Variants in SPATS2L observed in about 807,000 individuals in gnomAD.
SPATS2L encodes spermatogenesis associated serine rich 2 like.
Under a neutral mutation model 59.6 loss-of-function variants are expected in SPATS2L, and 30 were observed. That is an observed-to-expected ratio of 0.50 (90% CI 0.38 to 0.68). The LOEUF (loss-of-function observed/expected upper bound fraction) is 0.68, where lower values mean the gene tolerates loss of function less well. Among genes scored for constraint, SPATS2L ranks in the 30% least tolerant of loss-of-function variants. SPATS2L has a pLI of 0.00. For missense variants in SPATS2L, 615 were observed against 700.0 expected (o/e 0.88, Z 1.37); for synonymous variants, 252 against 263.5 (o/e 0.96, Z 0.42).
In SPATS2L at chr2:200,439,182, G is replaced by A. The variant is rs761792071; in HGVS notation, c.506G>A (p.Gly169Glu). 1.9e-6 allele frequency: 3 copies of A among 1,613,702 alleles called. No individual in the cohort carries two copies. The Admixed American group carries it at 5.0e-5, about 27-fold the overall frequency. ...GATGGGAACCCCAAACCTATACATG[G>A]AACAACAGAGAGGTCAGATGGCCTA... ...SLDGNPKPIH[G>E]TTERSDGLQW... Residue 169 changes from glycine (G) to glutamate (E), a missense_variant, in exon 7 of 13, where the codon GGA becomes GAA. Coordinates refer to ENST00000409140, the MANE Select transcript of SPATS2L (RefSeq NM_001100423.2).
chr2:200,335,534 T>G (rs575996843), intron 2 of SPATS2L, among the ~76,000 whole-genome samples: 25 of 152,348 alleles, frequency 1.6e-4, no homozygotes, highest in Middle Eastern at 3.4e-3. Flanking sequence ...TAAATTTACT[T>G]TCCTGTTAAT....
intron 8 of SPATS2L, among the ~76,000 whole-genome samples, chr2:200,448,957 A>G (rs903159390): frequency 5.3e-5 from 8 of 152,204 alleles, no homozygotes; most frequent in African/African-American, 1.2e-4. Flanking sequence ...CACCAGTCCA[A>G]TAAACCGAAA....
At chr2:200,316,312 G>T (rs1459923271) in intron 1 of SPATS2L, among the ~76,000 whole-genome samples, 1 of 152,168 alleles carries the variant, frequency 6.6e-6, no homozygotes, top group African/African-American at 2.4e-5. Context: ...TTTCAACCTG[G>T]GCGGCTGTTT....
At chr2:200,433,607 T>A (rs1180551079) in intron 6 of SPATS2L, among the ~76,000 whole-genome samples, 1 of 152,086 alleles carries the variant, frequency 6.6e-6, no homozygotes, top group Non-Finnish European at 1.5e-5. Context: ...TGAATCATAA[T>A]GAAAATATAA....
rs758964559 is a variant in SPATS2L, at chr2:200,439,134, T to G, written c.458T>G (p.Leu153Arg). The change falls in exon 7 of 13, where the codon CTA becomes CGA. Residue 153 changes from leucine to arginine, a missense_variant. Physicochemically the swap from Leu to Arg is moderately radical, Grantham distance 102. Transcript: ENST00000409140. Reference sequence around the variant, plus strand: ...TGTTTTCTTACAGAAGGCAACAGACTACTGCAACAGAAACTATCCTTAGAT... The same window carrying G: ...TGTTTTCTTACAGAAGGCAACAGACGACTGCAACAGAAACTATCCTTAGAT... ...ALRGVTEGNR[L>R]LQQKLSLDGN... 1.9e-6 allele frequency: 3 copies of G among 1,613,438 alleles called. No individual in the cohort carries two copies. The South Asian group carries it at 3.3e-5, about 18-fold the overall frequency.
At chr2:200,350,857 C>G (rs1007050685) in intron 2 of SPATS2L, among the ~76,000 whole-genome samples, 1 of 152,002 alleles carries the variant, frequency 6.6e-6, no homozygotes, top group Non-Finnish European at 1.5e-5. Context: ...TTAAGTAGAC[C>G]TAAAATCCTG....
chr2:200,442,466 G>A, intron 8 of SPATS2L, among the ~76,000 whole-genome samples: 1 of 152,136 alleles, frequency 6.6e-6, no homozygotes. Context: ...AAAAGGCTGT[G>A]GGCCAGATTT....
intron 6 of SPATS2L, among the ~76,000 whole-genome samples, chr2:200,436,268 A>G (rs568756279): frequency 1.3e-5 from 2 of 152,352 alleles, no homozygotes; most frequent in East Asian, 3.9e-4. Context: ...TTCATCTGCA[A>G]GAGTCCCAGA....
intron 6 of SPATS2L, among the ~76,000 whole-genome samples, chr2:200,429,940 C>A (rs915385178): frequency 2.6e-5 from 4 of 152,098 alleles, no homozygotes; most frequent in African/African-American, 9.7e-5. Context: ...CTAGTTATTT[C>A]ATGTGATTTC....
At chr2:200,410,347 G>A (rs542402223) in intron 3 of SPATS2L, among the ~76,000 whole-genome samples, 3 of 151,966 alleles carry the variant, frequency 2.0e-5, no homozygotes, top group African/African-American at 7.2e-5. Context: ...TGGATGGAGG[G>A]ATTTTTTTGT....
chr2:200,415,968 G>GTGAT (rs139198454), intron 4 of SPATS2L, among the ~76,000 whole-genome samples: 523 of 152,200 alleles, frequency 3.4e-3, no homozygotes, highest in African/African-American at 0.012. Context: ...ACAGAAAGCT[G>GTGAT]TGATTCACAT....
intron 2 of SPATS2L, among the ~76,000 whole-genome samples, chr2:200,346,081 T>A (rs2080502375): frequency 6.6e-6 from 1 of 152,252 alleles, no homozygotes; most frequent in Admixed American, 6.5e-5. Context: ...ATATTTTTCC[T>A]TGTTAATCAC....
chr2:200,348,785 G>A (rs2080608752), intron 2 of SPATS2L, among the ~76,000 whole-genome samples: 1 of 151,704 alleles, frequency 6.6e-6, no homozygotes, highest in Non-Finnish European at 1.5e-5. Flanking sequence ...CCTGTACTAA[G>A]TGTTAGGAAA....
intron 6 of SPATS2L, among the ~76,000 whole-genome samples, chr2:200,420,658 C>G (rs944437247): frequency 6.6e-6 from 1 of 152,192 alleles, no homozygotes; most frequent in Admixed American, 6.5e-5. Context: ...TTCTAAACAT[C>G]ATAAAGTACC....
intron 1 of SPATS2L, among the ~76,000 whole-genome samples, chr2:200,323,225 A>G (rs2079622890): frequency 6.6e-6 from 1 of 152,136 alleles, no homozygotes; most frequent in Admixed American, 6.5e-5. Flanking sequence ...CCCTGGGCAA[A>G]CAGCTTTCCT....
At chr2:200,341,080 C>G (rs2080309421) in intron 2 of SPATS2L, among the ~76,000 whole-genome samples, 1 of 152,220 alleles carries the variant, frequency 6.6e-6, no homozygotes, top group African/African-American at 2.4e-5. Flanking sequence ...GTATGTGTCA[C>G]TGGCAGACCG....
chr2:200,433,033 A>G (rs1057239441), intron 6 of SPATS2L, among the ~76,000 whole-genome samples: 4 of 152,230 alleles, frequency 2.6e-5, no homozygotes, highest in African/African-American at 4.8e-5. Flanking sequence ...GAAGCTATGA[A>G]GAAATAATGG....
chr2:200,386,577 A>G (rs934964078), intron 2 of SPATS2L, among the ~76,000 whole-genome samples: 1 of 152,218 alleles, frequency 6.6e-6, no homozygotes, highest in East Asian at 1.9e-4. Context: ...GTGGATTATA[A>G]CATTTCAGCT....
intron 9 of SPATS2L, among the ~76,000 whole-genome samples, chr2:200,466,814 G>GA (rs2086637261): frequency 6.6e-6 from 1 of 152,194 alleles, no homozygotes; most frequent in Non-Finnish European, 1.5e-5. Context: ...CAGTAACACA[G>GA]CTAGTCACCC....
Sources: gnomAD v4.1 joint callset for allele counts (sites outside exome capture counted in the v4.1 genomes callset) on GRCh38, gnomAD v4.1.1 for gene constraint, MANE v1.5 for transcripts, NCBI Gene and HGNC (gene_info 2026-07-23, HGNC 2026-07-21) for gene names.